Variants in THRB observed in about 807,000 individuals in gnomAD.
The protein encoded by THRB is thyroid hormone receptor beta, also known as nuclear receptor subfamily 1 group A member 2.
THRB carries 12 observed loss-of-function variants against 47.8 expected under a neutral mutation model. That is an observed-to-expected ratio of 0.25 (90% confidence interval 0.16 to 0.41). The LOEUF (loss-of-function observed/expected upper bound fraction) is 0.41. THRB is among the 10% of genes least tolerant of loss of function. The pLI is 1.00. For synonymous variants in THRB, 218 were observed against 212.2 expected, an observed-to-expected ratio of 1.03 and a Z score of -0.24; for missense variants, 348 against 589.2, an observed-to-expected ratio of 0.59 and a Z score of 4.24.
At chr3:24,148,950 A>G (rs1215822356) in intron 6 of THRB, among the ~76,000 whole-genome samples, 1 of 152,210 alleles carries the variant, frequency 6.6e-6, no homozygotes, top group Admixed American at 6.5e-5. Context: ...ACTTGAGTCC[A>G]TTAATTTCAG....
intron 3 of THRB, among the ~76,000 whole-genome samples, chr3:24,235,438 G>A (rs2048761086): frequency 6.6e-6 from 1 of 152,112 alleles, no homozygotes; most frequent in Non-Finnish European, 1.5e-5. Context: ...TCAACCTTTT[G>A]TGGCCTTTTC....
At chr3:24,472,368 A>G (rs1694829773) in intron 1 of THRB, among the ~76,000 whole-genome samples, 1 of 152,200 alleles carries the variant, frequency 6.6e-6, no homozygotes, top group Admixed American at 6.5e-5. Context: ...CTGAATGGCA[A>G]CATCTTGAAA....
intron 1 of THRB, among the ~76,000 whole-genome samples, chr3:24,364,065 A>T (rs954550289): frequency 6.6e-6 from 1 of 152,166 alleles, no homozygotes; most frequent in East Asian, 1.9e-4. Flanking sequence ...CCTAAGTCTT[A>T]ATGAAACAAA....
At chr3:24,376,169 G>A (rs2065271156) in intron 1 of THRB, among the ~76,000 whole-genome samples, 1 of 152,176 alleles carries the variant, frequency 6.6e-6, no homozygotes, top group Admixed American at 6.6e-5. Context: ...AATGGAGAAA[G>A]GGACGTAAAC....
At chr3:24,278,500 G>A (rs573784715) in intron 3 of THRB, among the ~76,000 whole-genome samples, 439 of 152,192 alleles carry the variant, frequency 2.9e-3, no homozygotes, top group African/African-American at 0.01. Context: ...ACCTATTTTT[G>A]CTTCTGAATA....
intron 1 of THRB, among the ~76,000 whole-genome samples, chr3:24,434,301 C>A (rs2070730225): frequency 6.6e-6 from 1 of 152,154 alleles, no homozygotes; most frequent in Admixed American, 6.6e-5. Flanking sequence ...TAATTCAAGG[C>A]AGTTGCTTTC....
intron 1 of THRB, among the ~76,000 whole-genome samples, chr3:24,478,809 G>A (rs1695882330): frequency 6.6e-6 from 1 of 152,174 alleles, no homozygotes; most frequent in African/African-American, 2.4e-5. Flanking sequence ...TATAACTGAT[G>A]AAAAGCTTAG....
chr3:24,171,776 A>T (rs1291413462), intron 5 of THRB, among the ~76,000 whole-genome samples: 1 of 152,108 alleles, frequency 6.6e-6, no homozygotes, highest in East Asian at 1.9e-4. Context: ...GAGTCACTAG[A>T]TCATGCAAAA....
intron 1 of THRB, among the ~76,000 whole-genome samples, chr3:24,352,636 A>C (rs1049050458): frequency 1.3e-5 from 2 of 152,148 alleles, no homozygotes; most frequent in African/African-American, 4.8e-5. Flanking sequence ...ATTCAAACTC[A>C]AACCTACAAA....
At chr3:24,354,240 AG>A (rs1412944213) in intron 1 of THRB, among the ~76,000 whole-genome samples, 1 of 152,114 alleles carries the variant, frequency 6.6e-6, no homozygotes, top group Non-Finnish European at 1.5e-5. Flanking sequence ...GGATAGGAGG[AG>A]GGAGAGGATC....
chr3:24,172,943 G>T (rs73823220), intron 5 of THRB, among the ~76,000 whole-genome samples: 2 of 152,282 alleles, frequency 1.3e-5, no homozygotes, highest in South Asian at 4.1e-4. Context: ...TTTACTAGAT[G>T]AAATATGTCA....
chr3:24,463,838 A>C (rs921764222), intron 1 of THRB, among the ~76,000 whole-genome samples: 3 of 152,228 alleles, frequency 2.0e-5, no homozygotes, highest in African/African-American at 7.2e-5. Context: ...TGAGTGCAGA[A>C]CTATTAATTT....
At chr3:24,369,205 G>T (rs148483593) in intron 1 of THRB, among the ~76,000 whole-genome samples, 2 of 152,090 alleles carry the variant, frequency 1.3e-5, no homozygotes, top group Non-Finnish European at 2.9e-5. Flanking sequence ...GCTGGAAAGA[G>T]AAGTAAAAAG....
chr3:24,273,528 T>C (rs1288593217), intron 3 of THRB, among the ~76,000 whole-genome samples: 4 of 152,120 alleles, frequency 2.6e-5, no homozygotes, highest in Non-Finnish European at 5.9e-5. Context: ...AAAAGGGCAA[T>C]GATATATATG....
chr3:24,380,628 G>A (rs1263089942), intron 1 of THRB, among the ~76,000 whole-genome samples: 2 of 152,008 alleles, frequency 1.3e-5, no homozygotes, highest in African/African-American at 2.4e-5. Flanking sequence ...TTTTGTCTCT[G>A]TGTATCTCAT....
At chr3:24,414,115 A>G (rs551179153) in intron 1 of THRB, among the ~76,000 whole-genome samples, 2 of 151,972 alleles carry the variant, frequency 1.3e-5, no homozygotes, top group Admixed American at 1.3e-4. Flanking sequence ...CATTCCATCA[A>G]CTTCACCCTA....
At chr3:24,487,544 A>C (rs1299478613) in intron 1 of THRB, among the ~76,000 whole-genome samples, 1 of 152,230 alleles carries the variant, frequency 6.6e-6, no homozygotes, top group African/African-American at 2.4e-5. Flanking sequence ...TAAAAGAAGC[A>C]AAAAGTAATA....
intron 1 of THRB, among the ~76,000 whole-genome samples, chr3:24,372,813 C>A (rs116381030): frequency 0.016 from 2,427 of 152,130 alleles, 63 homozygotes; most frequent in African/African-American, 0.046. Flanking sequence ...CCCTACTGCA[C>A]CAGGATGCTT....
At chr3:24,422,625 C>A (rs2069374856) in intron 1 of THRB, among the ~76,000 whole-genome samples, 1 of 151,850 alleles carries the variant, frequency 6.6e-6, no homozygotes, top group Non-Finnish European at 1.5e-5. Context: ...GGCGAATGTG[C>A]ATTCACTTTT....
Sources: gnomAD v4.1 joint callset for allele counts (sites outside exome capture counted in the v4.1 genomes callset) on GRCh38, gnomAD v4.1.1 for gene constraint, MANE v1.5 for transcripts, NCBI Gene and HGNC (gene_info 2026-07-23, HGNC 2026-07-21) for gene names.